MYH16: variants seen among roughly 807,000 people sequenced by gnomAD.
MYH16 encodes myosin heavy chain 16.
At chr7:99,258,788 A>C (rs1224266611) in intron 11 of MYH16, among the ~76,000 whole-genome samples, 1 of 149,204 alleles carries the variant, frequency 6.7e-6, no homozygotes, top group Non-Finnish European at 1.5e-5. Flanking sequence ...TTTTAAGAAG[A>C]GCTGATCAAT....
chr7:99,303,257 G>A (rs1267400915), intron 39 of MYH16, 67 bp downstream of exon 20: 1 of 152,546 alleles, frequency 6.6e-6, no homozygotes, highest in Non-Finnish European at 1.5e-5. Context: ...CAGGCTGCCT[G>A]GGCAGGAAGG....
downstream of MYH16, chr7:99,310,847 A>G (rs1792750738): frequency 6.6e-6 from 1 of 152,232 alleles, no homozygotes; most frequent in South Asian, 2.1e-4. Flanking sequence ...CAAGCCAGGA[A>G]GAGACAGGTG....
intron 30 of MYH16, among the ~76,000 whole-genome samples, chr7:99,290,513 T>C (rs971876508): frequency 2.4e-5 from 3 of 125,358 alleles, no homozygotes; most frequent in Non-Finnish European, 3.2e-5. Context: ...AAAAAATCAA[T>C]ATCCAGCCGT....
chr7:99,260,176 G>C, exon 12 of MYH16: 1 of 1,608,398 alleles, frequency 6.2e-7, no homozygotes, highest in East Asian at 2.2e-5. Context: ...CAACAGCTTT[G>C]AGCAGCTATG....
intron 20 of MYH16, among the ~76,000 whole-genome samples, chr7:99,275,288 C>T (rs767782998): frequency 2.6e-5 from 4 of 152,098 alleles, no homozygotes; most frequent in Non-Finnish European, 2.9e-5. Context: ...ACACAGCGCC[C>T]GCCCAGCTCA....
chr7:99,289,113 C>CA (rs543932564), intron 29 of MYH16, among the ~76,000 whole-genome samples, 174 bp from the exon 11 acceptor site: 145 of 128,910 alleles, frequency 1.1e-3, no homozygotes, highest in Non-Finnish European at 1.4e-3. Flanking sequence ...TACCCTGTCT[C>CA]AAAAAAAAAA....
intron 17 of MYH16, among the ~76,000 whole-genome samples, chr7:99,266,246 A>T (rs950264610): frequency 6.6e-6 from 1 of 152,046 alleles, no homozygotes; most frequent in African/African-American, 2.4e-5. Context: ...TGCCCCCATA[A>T]CGTGCCTTTT....
chr7:99,284,742 G>A (rs538691816), intron 25 of MYH16, 103 bp from the exon 8 acceptor site: 4 of 427,342 alleles, frequency 9.4e-6, no homozygotes, highest in Non-Finnish European at 1.9e-5. Flanking sequence ...CGTGCTTTTC[G>A]GCAGGTTCAA....
intron 36 of MYH16, among the ~76,000 whole-genome samples, chr7:99,298,688 G>A (rs999333665): frequency 6.6e-6 from 1 of 151,266 alleles, no homozygotes; most frequent in African/African-American, 2.4e-5. Context: ...AGTTGTAAGA[G>A]TTCTTTATAT....
At chr7:99,292,020 G>A (rs1792388455) in intron 31 of MYH16, among the ~76,000 whole-genome samples, 1 of 152,160 alleles carries the variant, frequency 6.6e-6, no homozygotes, top group Non-Finnish European at 1.5e-5. Flanking sequence ...TTATGAAGAT[G>A]TCAAAGGAAT....
exon 12 of MYH16, chr7:99,260,305 C>T (rs1791925210): frequency 2.0e-6 from 3 of 1,474,930 alleles, no homozygotes; most frequent in South Asian, 1.1e-5. Context: ...TGGCCTCGAC[C>T]TTCAGGCCTG....
At chr7:99,286,677 G>T (rs1476291229) in intron 28 of MYH16, among the ~76,000 whole-genome samples, 2 of 152,080 alleles carry the variant, frequency 1.3e-5, no homozygotes, top group East Asian at 3.9e-4. Flanking sequence ...TTAAAAATGA[G>T]GCCTGGAACA....
At chr7:99,256,055 G>A (rs867247518) in intron 9 of MYH16, among the ~76,000 whole-genome samples, 28 of 151,924 alleles carry the variant, frequency 1.8e-4, no homozygotes, top group African/African-American at 6.8e-4. Flanking sequence ...GATTATTTGT[G>A]TACTAGGTTC....
chr7:99,291,553 G>A (rs1405068104), intron 31 of MYH16, 103 bp downstream of exon 12: 2 of 385,076 alleles, frequency 5.2e-6, no homozygotes, highest in African/African-American at 2.1e-5. Flanking sequence ...AGAACTTTGG[G>A]AGGCCTAGGT....
chr7:99,246,188 A>G (rs1231391649), intron 2 of MYH16, among the ~76,000 whole-genome samples: 1 of 150,512 alleles, frequency 6.6e-6, no homozygotes, highest in Non-Finnish European at 1.5e-5. Context: ...CCTGGGTGAT[A>G]GAGCAAGGCT....
At chr7:99,242,978 G>GT (rs1283993643) in intron 1 of MYH16, among the ~76,000 whole-genome samples, 2 of 152,188 alleles carry the variant, frequency 1.3e-5, no homozygotes, top group African/African-American at 4.8e-5. Flanking sequence ...CATAGGGAGG[G>GT]AACGTCATAG....
chr7:99,303,975 T>C (rs890121908), intron 39 of MYH16, among the ~76,000 whole-genome samples: 2 of 152,172 alleles, frequency 1.3e-5, no homozygotes, highest in African/African-American at 4.8e-5. Flanking sequence ...CCAGTATCCC[T>C]TCGGGTGTTC....
chr7:99,293,464 G>A lies in MYH16; in HGVS notation n.4150-554G>A, dbSNP rs893403729. Among the ~76,000 whole-genome samples, 3 of 152,046 alleles carry A rather than the reference G, an allele frequency of 2.0e-5. No individual in the cohort carries two copies. The South Asian group carries it at 6.2e-4, about 32-fold the overall frequency. ...TATGGAGGCTGCTGGGCACTACCTG[G>A]TCCTCCCCCAAGGCTCCCACTCCTG... is the stretch of plus-strand genomic sequence containing the variant. On this transcript the variant is annotated intron_variant and non_coding_transcript_variant, in intron 32 of 41. Coordinates refer to ENST00000439784, the Ensembl canonical transcript of MYH16.
At chr7:99,291,349 T>C (rs753037496) in exon 31 of MYH16, 5 of 456,588 alleles carry the variant, frequency 1.1e-5, no homozygotes, top group African/African-American at 6.0e-5. Context: ...GAGCAGGGAA[T>C]ATGAAGAGTC....
Sources: gnomAD v4.1 joint callset for allele counts (sites outside exome capture counted in the v4.1 genomes callset) on GRCh38, gnomAD v4.1.1 for gene constraint, MANE v1.5 for transcripts, NCBI Gene and HGNC (gene_info 2026-07-23, HGNC 2026-07-21) for gene names.